The following ZFY variants were observed in gnomAD, a reference collection of about 807,000 sequenced individuals.
ZFY encodes the protein zinc finger protein Y-linked, also known as zinc finger Y-chromosomal protein.
For synonymous variants in ZFY, 47 were observed against 55.8 expected (o/e 0.84, Z 0.71); for missense variants, 113 against 170.9 (o/e 0.66, Z 1.89).
At chrY:2,945,677 T>A in intron 1 of ZFY, among the ~76,000 whole-genome samples, 1 of 33,137 alleles carries the variant, frequency 3.0e-5, no homozygotes, top group African/African-American at 1.2e-4. Flanking sequence ...GCCAGGACCA[T>A]GTTGGCCAGG....
chrY:2,975,333 C>A, intron 4 of ZFY, 89 bp downstream of exon 4: 1 of 318,246 alleles, frequency 3.1e-6, no homozygotes, highest in Non-Finnish European at 4.5e-6. Context: ...TACTTTTTTT[C>A]ATTGATACTT....
chrY:2,936,087 C>T (rs2051214782), intron 1 of ZFY, among the ~76,000 whole-genome samples: 1 of 34,524 alleles, frequency 2.9e-5, no homozygotes, highest in African/African-American at 1.1e-4. Flanking sequence ...GCGTACGTTC[C>T]AGACGCCTGC....
At chrY:2,951,731 T>C in intron 1 of ZFY, among the ~76,000 whole-genome samples, 5 of 32,531 alleles carry the variant, frequency 1.5e-4, no homozygotes, top group African/African-American at 6.0e-4. Flanking sequence ...AGAGGAAAGC[T>C]GAATGTGAAA....
chrY:2,969,596 T>C (rs2051341340), intron 3 of ZFY, among the ~76,000 whole-genome samples: 1 of 33,270 alleles, frequency 3.0e-5, no homozygotes, highest in African/African-American at 1.2e-4. Flanking sequence ...GCAGGCAGTA[T>C]TGGAATTTTA....
chrY:2,955,659 T>C (rs2051290978), intron 2 of ZFY, among the ~76,000 whole-genome samples: 1 of 34,375 alleles, frequency 2.9e-5, no homozygotes, highest in Non-Finnish European at 7.3e-5. Flanking sequence ...TCTGGAATTC[T>C]GTCAGTCCAA....
intron 3 of ZFY, among the ~76,000 whole-genome samples, chrY:2,968,851 T>G: frequency 3.0e-5 from 1 of 33,546 alleles, no homozygotes; most frequent in Non-Finnish European, 7.4e-5. Context: ...CTCATCATTG[T>G]GGACTTGTAG....
intron 6 of ZFY, 150 bp from the exon 7 acceptor site, chrY:2,977,780 CAAAAAAAAAA>C (rs1268151770): frequency 4.2e-4 from 5 of 11,941 alleles, no homozygotes; most frequent in African/African-American, 5.8e-3. Context: ...GACTCTGTCT[CAAAAAAAAAA>C]AAAAAAAAAA....
At chrY:2,962,102 A>G (rs1045569490) in intron 3 of ZFY, among the ~76,000 whole-genome samples, 1 of 32,947 alleles carries the variant, frequency 3.0e-5, no homozygotes, top group Non-Finnish European at 7.5e-5. Context: ...AGTTAAATCT[A>G]GTGAATTCTC....
intron 5 of ZFY, 83 bp downstream of exon 5, chrY:2,975,737 C>T: frequency 4.2e-6 from 1 of 235,594 alleles, no homozygotes; most frequent in Non-Finnish European, 6.7e-6. Flanking sequence ...CATAGATATA[C>T]ATGTGCCATG....
At chrY:2,937,115 T>C in intron 1 of ZFY, among the ~76,000 whole-genome samples, 2 of 33,594 alleles carry the variant, frequency 6.0e-5, no homozygotes, top group Admixed American at 2.7e-4. Context: ...TGCTGAGCTC[T>C]GGCTGCAGCT....
In ZFY at chrY:2,943,117, G is replaced by A. The variant is rs757501942; in HGVS notation, c.-29+7348G>A. Among the ~76,000 whole-genome samples, 58 of 33,952 alleles carry A rather than the reference G, an allele frequency of 1.7e-3. No individual in the cohort carries two copies. In the East Asian group the frequency reaches 0.039, roughly 23 times the overall value. 91.1% of individuals were successfully genotyped at this position (33,952 alleles called of 37,273 possible). On this transcript the variant is annotated intron_variant, in intron 1 of 7. Transcript: ENST00000155093. ...ATTTTAGCACTTCTAAAATCTGAAT[G>A]TATTTTACCATGGATAGAGTTGTAT...
intron 1 of ZFY, among the ~76,000 whole-genome samples, chrY:2,940,309 G>T: frequency 3.0e-5 from 1 of 33,445 alleles, no homozygotes; most frequent in African/African-American, 1.2e-4. Context: ...ATAAAGGAGA[G>T]TTACTAGATT....
chrY:2,975,853 G>A, intron 5 of ZFY, among the ~76,000 whole-genome samples, 199 bp downstream of exon 5: 2 of 31,492 alleles, frequency 6.4e-5, no homozygotes, highest in Non-Finnish European at 1.5e-4. Flanking sequence ...CCCACAGTGG[G>A]CCCCAGTGTG....
At position 2,966,254 on chromosome Y, in the gene ZFY, CAT is replaced by C. The variant is rs1484044467; in HGVS notation, c.634+4609_634+4610del. Reference sequence around the variant, plus strand: ...TTGTTCAAAGGCCTAATTAGGAAGTCATGTGTGAAGAAATAAAGGAAAGTAGG... The same window carrying C: ...TTGTTCAAAGGCCTAATTAGGAAGTCGTGTGAAGAAATAAAGGAAAGTAGG... On this transcript the variant is annotated intron_variant, in intron 3 of 7. Transcript: ENST00000155093. Among the ~76,000 whole-genome samples the C allele has an allele frequency of 2.9e-3, 96 of 33,078 alleles. No homozygotes were observed. The East Asian group carries it at 0.059, about 20-fold the overall frequency. The allele number at this position is 33,078 out of a possible 37,273, so 88.7% of individuals were successfully genotyped here. A position where few individuals can be genotyped will look rare whatever the true frequency, so the allele number is the denominator to read the frequency against.
intron 5 of ZFY, among the ~76,000 whole-genome samples, chrY:2,976,166 G>C: frequency 3.6e-5 from 1 of 27,563 alleles, no homozygotes; most frequent in African/African-American, 1.5e-4. Context: ...ATGGAGTGCA[G>C]TGGAGCAATC....
intron 1 of ZFY, among the ~76,000 whole-genome samples, chrY:2,944,700 C>T (rs574877355): frequency 0.048 from 528 of 11,011 alleles, no homozygotes; most frequent in Middle Eastern, 0.32. Context: ...CTTAGAATTT[C>T]TTTGTATATT....
chrY:2,943,317 C>T (rs2051250956), intron 1 of ZFY, among the ~76,000 whole-genome samples: 1 of 34,313 alleles, frequency 2.9e-5, no homozygotes, highest in African/African-American at 1.1e-4. Flanking sequence ...GAAGCAGTCT[C>T]GCTCTGTTGC....
chrY:2,976,583 A>G, intron 5 of ZFY, 87 bp from the exon 6 acceptor site: 1 of 195,140 alleles, frequency 5.1e-6, no homozygotes, highest in Non-Finnish European at 8.5e-6. Flanking sequence ...AATTCAACCA[A>G]TGTTTATTTT....
chrY:2,955,784 AT>A (rs2051291555), intron 2 of ZFY, among the ~76,000 whole-genome samples: 2 of 33,145 alleles, frequency 6.0e-5, no homozygotes, highest in African/African-American at 2.4e-4. Context: ...AGGCTAATAT[AT>A]TTTTTTTCTG....
Sources: allele counts gnomAD v4.1 joint callset (sites outside exome capture counted in the v4.1 genomes callset), GRCh38; gene constraint gnomAD v4.1.1; transcripts MANE v1.5; gene names NCBI Gene and HGNC (gene_info 2026-07-23, HGNC 2026-07-21).